The following ST13 variants were observed in gnomAD, a reference collection of about 807,000 sequenced individuals.
ST13 encodes the protein ST13 Hsp70 interacting protein.
Under a neutral mutation model 56.7 loss-of-function variants are expected in ST13, and 23 were observed. That is an observed-to-expected ratio of 0.41 (90% CI 0.29 to 0.57). The LOEUF (loss-of-function observed/expected upper bound fraction) is 0.57, where lower values mean the gene tolerates loss of function less well. Among genes scored for constraint, ST13 ranks in the 20% least tolerant of loss-of-function variants. ST13 has a pLI of 0.36. For missense variants in ST13, 369 were observed against 459.9 expected (o/e 0.80, Z 1.81); for synonymous variants, 132 against 142.4 (o/e 0.93, Z 0.52).
chr22:40,834,792 G>A (rs1166187174), intron 7 of ST13, among the ~76,000 whole-genome samples: 1 of 152,132 alleles, frequency 6.6e-6, no homozygotes, highest in African/African-American at 2.4e-5. Context: ...GCAATGCATG[G>A]GCTTTTCCTG....
intron 5 of ST13, among the ~76,000 whole-genome samples, chr22:40,837,617 G>T (rs1007684047): frequency 1.3e-5 from 2 of 152,120 alleles, no homozygotes; most frequent in African/African-American, 4.8e-5. Context: ...TTGCACTCCA[G>T]TCTGGGCAAC....
intron 2 of ST13, among the ~76,000 whole-genome samples, chr22:40,850,553 G>A (rs1020679683): frequency 1.3e-5 from 2 of 152,134 alleles, no homozygotes; most frequent in Non-Finnish European, 2.9e-5. Flanking sequence ...ACACCATCAC[G>A]GAGCTTACCA....
At chr22:40,836,699 C>G (rs1437671337) in intron 5 of ST13, among the ~76,000 whole-genome samples, 1 of 152,126 alleles carries the variant, frequency 6.6e-6, no homozygotes, top group African/African-American at 2.4e-5. Flanking sequence ...AGACCATAAC[C>G]TATACTTTAA....
At chr22:40,856,249 C>T (rs568772792) in intron 1 of ST13, among the ~76,000 whole-genome samples, 182 bp downstream of exon 1, 103 of 152,258 alleles carry the variant, frequency 6.8e-4, no homozygotes, top group African/African-American at 2.4e-3. Context: ...CTCCTGCTCC[C>T]CGCGGCTCCT....
chr22:40,848,456 G>C, intron 2 of ST13, 87 bp from the exon 3 acceptor site: 1 of 944,244 alleles, frequency 1.1e-6, no homozygotes, highest in Non-Finnish European at 1.7e-6. Flanking sequence ...TGTATAAACT[G>C]TCAAATATGG....
At chr22:40,840,129 A>G (rs1358670847) in intron 5 of ST13, among the ~76,000 whole-genome samples, 2 of 152,142 alleles carry the variant, frequency 1.3e-5, no homozygotes, top group Non-Finnish European at 2.9e-5. Context: ...CAGCCTGGGC[A>G]ACAGAGTGAG....
At chr22:40,828,547 A>C (rs2145731094) in intron 10 of ST13, among the ~76,000 whole-genome samples, 1 of 151,894 alleles carries the variant, frequency 6.6e-6, no homozygotes, top group South Asian at 2.1e-4. Flanking sequence ...CGGCAGGCGG[A>C]GCTTGCAGTG....
chr22:40,829,569 T>C, intron 10 of ST13, 57 bp downstream of exon 10: 2 of 787,640 alleles, frequency 2.5e-6, no homozygotes, highest in Non-Finnish European at 1.8e-6. Context: ...TTAAGTATTA[T>C]ATTAAAATAT....
chr22:40,825,315 A>G lies in ST13; in HGVS notation c.*1223T>C, dbSNP rs1368494612. On this transcript the variant is annotated 3_prime_UTR_variant, in exon 12 of 12. Transcript: ENST00000216218. ...TTATAATTCACATTGGATAAAAAAA[A>G]TCGGTTCCCCTCTGTGTGTATCAAT... 1 of 152,200 alleles carries G rather than the reference A, an allele frequency of 6.6e-6. No homozygotes were observed. The highest frequency in any genetic ancestry group is 6.5e-5 in the Admixed American group (1 of 15,276). The allele number at this position is 152,200 out of a possible 1,614,324, so 9.4% of individuals were successfully genotyped here.
chr22:40,852,356 C>T (rs2057865890), intron 1 of ST13, among the ~76,000 whole-genome samples: 1 of 152,170 alleles, frequency 6.6e-6, no homozygotes, highest in Admixed American at 6.5e-5. Flanking sequence ...CAGTTCAACT[C>T]TCATCCAGCT....
intron 2 of ST13, among the ~76,000 whole-genome samples, chr22:40,848,998 G>T (rs1217869996): frequency 1.3e-5 from 2 of 152,186 alleles, no homozygotes; most frequent in Non-Finnish European, 2.9e-5. Flanking sequence ...TAAATAACCA[G>T]TGTGGTTTCT....
chr22:40,832,823 T>G (rs530179145), intron 7 of ST13, 152 bp from the exon 8 acceptor site: 8 of 615,176 alleles, frequency 1.3e-5, no homozygotes, highest in Non-Finnish European at 2.3e-5. Flanking sequence ...AATTACTATA[T>G]CCCATTTTAG....
At chr22:40,840,189 A>G (rs995992026) in intron 5 of ST13, among the ~76,000 whole-genome samples, 12 of 152,052 alleles carry the variant, frequency 7.9e-5, no homozygotes, top group African/African-American at 2.9e-4. Flanking sequence ...AACAAAACCG[A>G]ATACTATCAC....
intron 7 of ST13, 80 bp downstream of exon 7, chr22:40,835,480 G>A: frequency 2.4e-6 from 3 of 1,265,420 alleles, no homozygotes; most frequent in East Asian, 4.7e-5. Flanking sequence ...GAACTTTTGT[G>A]TTTTTGTTTA....
rs116810439 is a variant in ST13, at chr22:40,851,455, C to T, written c.111-575G>A. ...TCATCCATTAATACTTCCTCCTGAC[C>T]CTACAAACTCTTCTTTCCCAAATAG... On this transcript the variant is annotated intron_variant, in intron 1 of 11. Transcript: ENST00000216218. 4.1e-3 allele frequency among the ~76,000 whole-genome samples: 618 copies of T among 152,222 alleles called. 3 individuals carry two copies. The highest frequency in any genetic ancestry group is 0.014 in the African/African-American group (577 of 41,512).
intron 5 of ST13, among the ~76,000 whole-genome samples, chr22:40,839,994 C>CA (rs2057795323): frequency 1.4e-5 from 2 of 146,816 alleles, no homozygotes; most frequent in Admixed American, 1.3e-4. Context: ...AATAAAAATA[C>CA]AAAAAATTAG....
chr22:40,827,340 A>G, intron 10 of ST13, 111 bp from the exon 11 acceptor site: 1 of 996,248 alleles, frequency 1.0e-6, no homozygotes, highest in African/African-American at 1.6e-5. Flanking sequence ...AGCACAAAGT[A>G]GTCTGAAGAG....
rs892235126 is a variant in ST13 at position 40,844,996 on chromosome 22, A to G, written c.245-87T>C. 7 of 821,670 alleles carry G rather than the reference A, an allele frequency of 8.5e-6. No homozygotes were observed. The African/African-American group carries it at 8.7e-5, about 10-fold the overall frequency. 50.9% of individuals were successfully genotyped at this position (821,670 alleles called of 1,614,324 possible). ...GATTATTAAAAACTGACATACTATG[A>G]CTACTACAATTAATTATTTTAAGTA... On this transcript the variant is annotated intron_variant, in intron 3 of 11. Coordinates refer to ENST00000216218, the MANE Select transcript of ST13 (RefSeq NM_003932.5).
intron 5 of ST13, among the ~76,000 whole-genome samples, chr22:40,838,141 T>G (rs923641715): frequency 1.3e-5 from 2 of 152,196 alleles, no homozygotes; most frequent in African/African-American, 4.8e-5. Context: ...TCAATGATGC[T>G]GTTGTAGTGG....
Sources: gnomAD v4.1 joint callset for allele counts (sites outside exome capture counted in the v4.1 genomes callset) on GRCh38, gnomAD v4.1.1 for gene constraint, MANE v1.5 for transcripts, NCBI Gene and HGNC (gene_info 2026-07-23, HGNC 2026-07-21) for gene names.